The following EYA4 variants were observed in gnomAD, a reference collection of about 807,000 sequenced individuals.
EYA4 encodes protein phosphatase EYA4.
EYA4 carries 31 observed loss-of-function variants against 87.9 expected under a neutral mutation model. That is an observed-to-expected ratio of 0.35 (90% confidence interval 0.27 to 0.48). The LOEUF (loss-of-function observed/expected upper bound fraction) is 0.48. Among genes scored for constraint, EYA4 ranks in the 20% least tolerant of loss-of-function variants. The probability of loss-of-function intolerance (pLI) is 0.99; values close to 1 mark genes in which losing one functional copy is unlikely to be tolerated. For missense variants in EYA4, 678 were observed against 761.4 expected, an observed-to-expected ratio of 0.89 and a Z score of 1.29; for synonymous variants, 263 against 270.6, an observed-to-expected ratio of 0.97 and a Z score of 0.28.
At chr6:133,384,498 A>C (rs1204528684) in intron 3 of EYA4, among the ~76,000 whole-genome samples, 2 of 152,196 alleles carry the variant, frequency 1.3e-5, no homozygotes, top group East Asian at 3.9e-4. Flanking sequence ...TAAGAACTTC[A>C]TAACTTTGTG....
chr6:133,366,638 A>T (rs1202501734), intron 2 of EYA4, among the ~76,000 whole-genome samples: 1 of 152,232 alleles, frequency 6.6e-6, no homozygotes, highest in East Asian at 1.9e-4. Context: ...AAATGAAATG[A>T]TTGCATTGAT....
intron 2 of EYA4, among the ~76,000 whole-genome samples, chr6:133,343,567 A>ACC (rs1201039657): frequency 2.1e-5 from 2 of 95,632 alleles, no homozygotes; most frequent in African/African-American, 7.9e-5. Context: ...CCCCGCCACC[A>ACC]CCCCCCCCAC....
rs535629143 is a variant in EYA4 at position 133,351,067 on chromosome 6, G to T, written c.34-31325G>T. ...GGCTGTTGACTGTCTGGGTTTTATT[G>T]TCTTTTTTATGGAGTGTTAAACCTG... On this transcript the variant is annotated intron_variant, in intron 2 of 19. Transcript: ENST00000355286. Among the ~76,000 whole-genome samples, 4 of 150,352 alleles carry T rather than the reference G, an allele frequency of 2.7e-5. No homozygotes were observed. In the South Asian group the frequency reaches 8.5e-4, roughly 32 times the overall value.
chr6:133,483,491 T>C (rs770626627), intron 13 of EYA4, among the ~76,000 whole-genome samples: 30 of 151,852 alleles, frequency 2.0e-4, no homozygotes, highest in Non-Finnish European at 3.8e-4. Context: ...TTGTTGCAAT[T>C]TTATAGCAAT....
chr6:133,257,808 A>ATG (rs1491230627), intron 1 of EYA4, among the ~76,000 whole-genome samples: 1 of 152,114 alleles, frequency 6.6e-6, no homozygotes, highest in Non-Finnish European at 1.5e-5. Flanking sequence ...ATTTCCTGAC[A>ATG]TGTGCTTTAG....
intron 2 of EYA4, among the ~76,000 whole-genome samples, chr6:133,379,447 C>G (rs866087759): frequency 6.6e-6 from 1 of 152,076 alleles, no homozygotes; most frequent in Non-Finnish European, 1.5e-5. Flanking sequence ...ATTCCTTTAA[C>G]TCCTCTACCT....
At chr6:133,254,365 A>C (rs1189156934) in intron 1 of EYA4, among the ~76,000 whole-genome samples, 1 of 152,196 alleles carries the variant, frequency 6.6e-6, no homozygotes, top group Non-Finnish European at 1.5e-5. Context: ...TCAAAATGTG[A>C]GGACCAAAAA....
Position 133,462,379 on chromosome 6 carries a change from C to G in EYA4, c.482C>G (p.Ser161Cys). The change falls in exon 8 of 20, where the codon TCT becomes TGT. Residue 161 changes from serine to cysteine, a missense_variant. Transcript: ENST00000355286. ...ILSTPAAQTM[S>C]AYAGQTQYSG... ...TCTACACCAGCAGCTCAAACAATGT[C>G]TGCCTATGCAGGCCAGACTCAGTAT... 2.5e-6 allele frequency: 4 copies of G among 1,614,072 alleles called. No homozygotes were observed. The South Asian group carries it at 4.4e-5, about 18-fold the overall frequency.
chr6:133,442,402 C>A lies in EYA4; in HGVS notation c.84-4228C>A, dbSNP rs1323238681. 2.0e-5 allele frequency among the ~76,000 whole-genome samples: 3 copies of A among 152,118 alleles called. No individual in the cohort carries two copies. The South Asian group carries it at 6.2e-4, about 32-fold the overall frequency. ...AGACTATGATTAGCCCAACTTCCATCCCTCTGAAAAATCACTGCTTTTATA... is the reference window on the plus strand; with the variant it reads ...AGACTATGATTAGCCCAACTTCCATACCTCTGAAAAATCACTGCTTTTATA... On this transcript the variant is annotated intron_variant, in intron 3 of 19. Coordinates refer to ENST00000355286, the MANE Select transcript of EYA4 (RefSeq NM_004100.5).
At chr6:133,434,035 C>T (rs975198762) in intron 3 of EYA4, among the ~76,000 whole-genome samples, 1 of 152,138 alleles carries the variant, frequency 6.6e-6, no homozygotes, top group East Asian at 1.9e-4. Context: ...TATTTTGGAC[C>T]ACAACTGTGT....
Position 133,380,905 on chromosome 6 carries a change from CG to C in EYA4, c.34-1486del, listed in dbSNP as rs1786143009. ...CTTCTTCTTCCCTCCCCTCCCCTCC[CG>C]TTACTTCCTTCCTTCCTTTTTCCTC... On this transcript the variant is annotated intron_variant, in intron 2 of 19. Transcript: ENST00000355286. Among the ~76,000 whole-genome samples the C allele has an allele frequency of 2.1e-5, 3 of 144,244 alleles. No homozygotes were observed. The South Asian group carries it at 6.9e-4, about 33-fold the overall frequency. The allele number at this position is 144,244 out of a possible 152,430, so 94.6% of individuals were successfully genotyped here. A position where few individuals can be genotyped will look rare whatever the true frequency, so the allele number is the denominator to read the frequency against.
intron 13 of EYA4, among the ~76,000 whole-genome samples, chr6:133,493,119 A>C (rs1797333656): frequency 1.3e-5 from 2 of 152,216 alleles, no homozygotes; most frequent in Non-Finnish European, 2.9e-5. Context: ...ATGGAAACAC[A>C]GAAGACCCAG....
Position 133,531,541 on chromosome 6 carries a change from A to G in EYA4, c.*2736A>G, listed in dbSNP as rs549410299. ...TATTATGTATACAGCTTGGTATATT[A>G]CTACGAAAGATAACCACCTTGTGTT... On this transcript the variant is annotated 3_prime_UTR_variant, in exon 20 of 20. Transcript: ENST00000355286. 3.9e-5 allele frequency: 12 copies of G among 306,542 alleles called. No homozygotes were observed. The highest frequency in any genetic ancestry group is 9.5e-4 in the Middle Eastern group (1 of 1,048). The allele number at this position is 306,542 out of a possible 1,614,324, so 19.0% of individuals were successfully genotyped here.
At chr6:133,323,324 G>T (rs936305738) in intron 2 of EYA4, among the ~76,000 whole-genome samples, 12 of 152,052 alleles carry the variant, frequency 7.9e-5, no homozygotes, top group Non-Finnish European at 1.3e-4. Flanking sequence ...AATTAAAGTG[G>T]CTCCAAGAAG....
At chr6:133,468,879 G>C in intron 11 of EYA4, 148 bp downstream of exon 11, 1 of 787,746 alleles carries the variant, frequency 1.3e-6, no homozygotes. Flanking sequence ...TGTAAGACGA[G>C]GCTCTTCTGG....
At chr6:133,441,377 T>A (rs1471945177) in intron 3 of EYA4, among the ~76,000 whole-genome samples, 1 of 152,236 alleles carries the variant, frequency 6.6e-6, no homozygotes, top group Non-Finnish European at 1.5e-5. Context: ...AGATACATAC[T>A]GTTATAAATA....
intron 2 of EYA4, among the ~76,000 whole-genome samples, chr6:133,377,936 A>C (rs1785842031): frequency 6.6e-6 from 1 of 151,204 alleles, no homozygotes; most frequent in Admixed American, 6.7e-5. Context: ...AATATTGTAT[A>C]CTTTAAAATT....
At chr6:133,423,450 G>A (rs531420065) in intron 3 of EYA4, among the ~76,000 whole-genome samples, 2 of 152,164 alleles carry the variant, frequency 1.3e-5, no homozygotes, top group African/African-American at 2.4e-5. Context: ...TCTAGTTAAC[G>A]TTTGACCTTT....
intron 2 of EYA4, 98 bp downstream of exon 2, chr6:133,274,911 A>G: frequency 1.1e-6 from 1 of 925,464 alleles, no homozygotes. Context: ...GTTTTTCATT[A>G]AATATATTTT....
Sources: allele counts gnomAD v4.1 joint callset (sites outside exome capture counted in the v4.1 genomes callset), GRCh38; gene constraint gnomAD v4.1.1; transcripts MANE v1.5; gene names NCBI Gene and HGNC (gene_info 2026-07-23, HGNC 2026-07-21).